Variants in SPOCK1 observed in about 807,000 individuals in gnomAD.
The protein encoded by SPOCK1 is testican-1.
SPOCK1 carries 23 observed loss-of-function variants against 55.3 expected under a neutral mutation model. That is an observed-to-expected ratio of 0.42 (90% CI 0.30 to 0.59). The LOEUF (loss-of-function observed/expected upper bound fraction) is 0.59. Among genes scored for constraint, SPOCK1 ranks in the 20% least tolerant of loss-of-function variants. SPOCK1 has a pLI of 0.22. For missense variants in SPOCK1, 499 were observed against 552.5 expected, an observed-to-expected ratio of 0.90 and a Z score of 0.97; for synonymous variants, 226 against 221.0, an observed-to-expected ratio of 1.02 and a Z score of -0.20.
At chr5:137,137,401 T>G (rs1304822577) in intron 4 of SPOCK1, among the ~76,000 whole-genome samples, 1 of 152,198 alleles carries the variant, frequency 6.6e-6, no homozygotes, top group Admixed American at 6.5e-5. Context: ...ATGTTTCTTC[T>G]GGGAAGGTGT....
Position 136,988,612 on chromosome 5 carries a change from C to T in SPOCK1, c.738G>A (p.Lys246=), listed in dbSNP as rs1451780507. 1.2e-6 allele frequency: 2 copies of T among 1,613,572 alleles called. No individual in the cohort carries two copies. The highest frequency in any genetic ancestry group is 2.2e-5 in the East Asian group (1 of 44,870). ...TGTTGAACATCCAGCCCAGGGAGTC[C>T]TTGCAGATGGGCAGGATGCTAGTGT... ...RFDTSILPIC[K]DSLGWMFNKL... The change falls in exon 8 of 11, where the codon AAG becomes AAA. Residue 246 remains lysine, a synonymous_variant. Transcript: ENST00000394945.
intron 6 of SPOCK1, among the ~76,000 whole-genome samples, chr5:137,011,386 C>T (rs1286268042): frequency 2.0e-5 from 3 of 152,116 alleles, no homozygotes; most frequent in African/African-American, 7.2e-5. Context: ...TCTCTAAGGA[C>T]TCCCAGGAAT....
At chr5:137,152,385 C>A (rs1011315464) in intron 3 of SPOCK1, among the ~76,000 whole-genome samples, 3 of 152,214 alleles carry the variant, frequency 2.0e-5, no homozygotes, top group Non-Finnish European at 4.4e-5. Context: ...AAGATAAGGG[C>A]TATCATGCTA....
intron 2 of SPOCK1, among the ~76,000 whole-genome samples, chr5:137,486,522 A>T (rs562306855): frequency 1.3e-5 from 2 of 152,358 alleles, no homozygotes; most frequent in Admixed American, 1.3e-4. Context: ...CCCCTCTGCT[A>T]CATCCTAAGT....
At chr5:137,092,473 T>A (rs1387353880) in intron 5 of SPOCK1, among the ~76,000 whole-genome samples, 1 of 152,184 alleles carries the variant, frequency 6.6e-6, no homozygotes, top group Non-Finnish European at 1.5e-5. Context: ...ACACTTCTCT[T>A]ATGTAACTCT....
Position 137,140,575 on chromosome 5 carries a change from C to T in SPOCK1, c.347+5G>A. On this transcript the variant is annotated splice_donor_5th_base_variant and intron_variant, in intron 4 of 10. Transcript: ENST00000394945. ...AGCCCCCAGCCCCCGGCCTTCCTGC[C>T]TTACCTGGGGAGCAGGTGCTTGCGG... 1 of 1,611,566 alleles carries T rather than the reference C, an allele frequency of 6.2e-7. No individual in the cohort carries two copies. The highest frequency in any genetic ancestry group is 8.5e-7 in the Non-Finnish European group (1 of 1,178,992).
At chr5:137,495,108 A>G (rs1254094949) in intron 2 of SPOCK1, among the ~76,000 whole-genome samples, 1 of 152,260 alleles carries the variant, frequency 6.6e-6, no homozygotes, top group Admixed American at 6.5e-5. Flanking sequence ...ACAGACCACA[A>G]ATACATTTAG....
At chr5:137,242,993 C>T (rs1416159637) in intron 3 of SPOCK1, among the ~76,000 whole-genome samples, 1 of 126,604 alleles carries the variant, frequency 7.9e-6, no homozygotes, top group African/African-American at 2.7e-5. Context: ...CACAAAGAGA[C>T]TTTTTACTGT....
intron 2 of SPOCK1, among the ~76,000 whole-genome samples, chr5:137,342,989 A>G (rs1750470466): frequency 6.6e-6 from 1 of 152,204 alleles, no homozygotes; most frequent in African/African-American, 2.4e-5. Context: ...TAGATAAATG[A>G]TCTGATGCCA....
chr5:137,023,705 T>A (rs972818162), intron 6 of SPOCK1, among the ~76,000 whole-genome samples: 2 of 150,790 alleles, frequency 1.3e-5, no homozygotes, highest in African/African-American at 4.8e-5. Context: ...GATACCCTAA[T>A]TATCACGAGA....
intron 5 of SPOCK1, among the ~76,000 whole-genome samples, chr5:137,075,686 G>A (rs1040772672): frequency 1.5e-4 from 23 of 152,158 alleles, no homozygotes; most frequent in Admixed American, 3.9e-4. Context: ...ACTGTGTGAC[G>A]AAACCAGTGG....
intron 4 of SPOCK1, among the ~76,000 whole-genome samples, chr5:137,136,897 A>G (rs1753995182): frequency 6.6e-6 from 1 of 152,204 alleles, no homozygotes; most frequent in Non-Finnish European, 1.5e-5. Context: ...TCCAAAGAGA[A>G]TATGAGTTTA....
intron 4 of SPOCK1, among the ~76,000 whole-genome samples, chr5:137,118,934 C>A (rs1338270991): frequency 6.6e-6 from 1 of 152,206 alleles, no homozygotes; most frequent in African/African-American, 2.4e-5. Context: ...GTGGCTACTA[C>A]ATGCCGGTCT....
At chr5:137,044,225 C>G (rs1336071182) in intron 6 of SPOCK1, among the ~76,000 whole-genome samples, 1 of 152,124 alleles carries the variant, frequency 6.6e-6, no homozygotes, top group East Asian at 1.9e-4. Context: ...AGGAGTTCAC[C>G]AGACCAATCT....
At chr5:137,497,109 T>A (rs1050642726) in intron 2 of SPOCK1, among the ~76,000 whole-genome samples, 1 of 152,124 alleles carries the variant, frequency 6.6e-6, no homozygotes, top group African/African-American at 2.4e-5. Flanking sequence ...TCATTCAATG[T>A]CTCAAATTCC....
intron 3 of SPOCK1, among the ~76,000 whole-genome samples, chr5:137,247,743 C>T (rs915321488): frequency 6.6e-6 from 1 of 152,178 alleles, no homozygotes; most frequent in African/African-American, 2.4e-5. Flanking sequence ...TTTCCTGCTG[C>T]ATCATGACAT....
chr5:137,294,653 G>A (rs1397142012), intron 2 of SPOCK1, among the ~76,000 whole-genome samples: 2 of 152,090 alleles, frequency 1.3e-5, no homozygotes, highest in African/African-American at 2.4e-5. Context: ...CATAAATAAA[G>A]ACAGCATCCC....
intron 2 of SPOCK1, among the ~76,000 whole-genome samples, chr5:137,351,072 A>G (rs1750669213): frequency 6.6e-6 from 1 of 152,218 alleles, no homozygotes; most frequent in Non-Finnish European, 1.5e-5. Context: ...TTCAGAGAAC[A>G]GTTATAAAAA....
At chr5:137,136,561 G>A (rs1753988691) in intron 4 of SPOCK1, among the ~76,000 whole-genome samples, 1 of 152,154 alleles carries the variant, frequency 6.6e-6, no homozygotes, top group African/African-American at 2.4e-5. Flanking sequence ...AAAAAGAATG[G>A]AAGAAAATAT....
Sources: allele counts gnomAD v4.1 joint callset (sites outside exome capture counted in the v4.1 genomes callset), GRCh38; gene constraint gnomAD v4.1.1; transcripts MANE v1.5; gene names NCBI Gene and HGNC (gene_info 2026-07-23, HGNC 2026-07-21).